Variants in TLN2 observed in about 807,000 individuals in gnomAD.
TLN2 encodes talin 2.
In TLN2, 118 loss-of-function variants were observed where a neutral mutation model predicts 294.7. The observed-to-expected ratio is 0.40, with a 90% CI of 0.34 to 0.47. The LOEUF is 0.47. TLN2 is among the 20% of genes least tolerant of loss of function. The pLI is 0.84. For synonymous variants in TLN2, 1,431 were observed against 1,304.5 expected, an observed-to-expected ratio of 1.10 and a Z score of -2.09; for missense variants, 3,083 against 3,282.2, an observed-to-expected ratio of 0.94 and a Z score of 1.48.
intron 21 of TLN2, among the ~76,000 whole-genome samples, chr15:62,710,091 T>C (rs1170651415): frequency 6.6e-6 from 1 of 152,240 alleles, no homozygotes; most frequent in African/African-American, 2.4e-5. Context: ...CATAGTATTC[T>C]ATTTTTTGAA....
At chr15:62,750,000 T>C (rs2061837560) in intron 33 of TLN2, among the ~76,000 whole-genome samples, 1 of 152,242 alleles carries the variant, frequency 6.6e-6, no homozygotes, top group Non-Finnish European at 1.5e-5. Context: ...TTACTGGTCA[T>C]GAAGAAATGA....
At chr15:62,777,272 C>G (rs931006087) in intron 43 of TLN2, among the ~76,000 whole-genome samples, 2 of 152,088 alleles carry the variant, frequency 1.3e-5, no homozygotes, top group Non-Finnish European at 2.9e-5. Context: ...CGCGGTGGCT[C>G]ACACCTGTAA....
intron 3 of TLN2, among the ~76,000 whole-genome samples, chr15:62,618,714 C>G (rs1005556965): frequency 4.6e-5 from 7 of 152,198 alleles, no homozygotes; most frequent in Non-Finnish European, 7.3e-5. Flanking sequence ...GTTGATTCCT[C>G]AAGCCTAGAG....
At chr15:62,524,908 C>T (rs2040655909) in intron 1 of TLN2, among the ~76,000 whole-genome samples, 1 of 152,148 alleles carries the variant, frequency 6.6e-6, no homozygotes, top group African/African-American at 2.4e-5. Flanking sequence ...GATTTTCCTT[C>T]TTTCATTTTG....
chr15:62,784,908 A>G (rs1029627850), intron 45 of TLN2: 4 of 152,172 alleles, frequency 2.6e-5, no homozygotes, highest in East Asian at 3.8e-4. Context: ...CAGTGCTGCT[A>G]TTTCTCCTGG....
At chr15:62,665,337 A>G (rs2054483797) in intron 9 of TLN2, among the ~76,000 whole-genome samples, 1 of 152,228 alleles carries the variant, frequency 6.6e-6, no homozygotes, top group African/African-American at 2.4e-5. Flanking sequence ...GACTTGAGAC[A>G]GCACACCCAG....
intron 40 of TLN2, among the ~76,000 whole-genome samples, chr15:62,765,595 G>C (rs1028123063): frequency 3.3e-5 from 5 of 152,076 alleles, no homozygotes; most frequent in Non-Finnish European, 5.9e-5. Context: ...TCCTACAGAG[G>C]GATCTGATCT....
At chr15:62,454,879 A>G (rs1274052909) in intron 1 of TLN2, among the ~76,000 whole-genome samples, 1 of 151,966 alleles carries the variant, frequency 6.6e-6, no homozygotes, top group Non-Finnish European at 1.5e-5. Flanking sequence ...CCTTCTGCTG[A>G]CCCTGTGACA....
intron 33 of TLN2, among the ~76,000 whole-genome samples, chr15:62,749,107 G>A (rs1487716096): frequency 6.6e-6 from 1 of 152,244 alleles, no homozygotes; most frequent in Non-Finnish European, 1.5e-5. Context: ...ATATTGAGAT[G>A]CCAGACGAGT....
intron 1 of TLN2, among the ~76,000 whole-genome samples, chr15:62,563,238 C>T (rs963287294): frequency 1.3e-5 from 2 of 151,840 alleles, no homozygotes; most frequent in Admixed American, 6.6e-5. Context: ...CCCTGTTCAC[C>T]GCATCCACAC....
At chr15:62,461,823 T>C (rs1329449458) in intron 1 of TLN2, among the ~76,000 whole-genome samples, 1 of 151,996 alleles carries the variant, frequency 6.6e-6, no homozygotes, top group African/African-American at 2.4e-5. Context: ...GGCTCAAGAG[T>C]GGCCTGGTGA....
intron 25 of TLN2, among the ~76,000 whole-genome samples, chr15:62,720,582 G>T (rs1431857180): frequency 6.6e-6 from 1 of 151,682 alleles, no homozygotes; most frequent in African/African-American, 2.4e-5. Context: ...ACTCTAACAT[G>T]CAGAAATAAA....
chr15:62,797,360 G>A lies in TLN2; in HGVS notation c.6192G>A (p.Lys2064=). Residue 2064 remains lysine, a synonymous_variant, in exon 48 of 59, where the codon AAG becomes AAA. Coordinates refer to ENST00000636159, the MANE Select transcript of TLN2 (RefSeq NM_015059.3). Reference sequence around the variant, plus strand: ...TCACCCAGCTCGCAGAAGTGGTCAAGCTGGGGGCAGCCAGCCTGGGCTCCG... The same window carrying A: ...TCACCCAGCTCGCAGAAGTGGTCAAACTGGGGGCAGCCAGCCTGGGCTCCG... ...ATITQLAEVV[K]LGAASLGSDD... is the part of the protein sequence containing the mutation. 1 of 1,612,716 alleles carries A rather than the reference G, an allele frequency of 6.2e-7. No individual in the cohort carries two copies. The highest frequency in any genetic ancestry group is 8.5e-7 in the Non-Finnish European group (1 of 1,179,712).
chr15:62,743,332 G>A (rs937417850), intron 32 of TLN2, among the ~76,000 whole-genome samples: 2 of 151,946 alleles, frequency 1.3e-5, no homozygotes, highest in Non-Finnish European at 2.9e-5. Flanking sequence ...TCCCACTCCT[G>A]TGTTAACAGT....
intron 1 of TLN2, among the ~76,000 whole-genome samples, chr15:62,475,109 C>T (rs191585926): frequency 1.7e-4 from 26 of 152,222 alleles, no homozygotes; most frequent in African/African-American, 5.5e-4. Flanking sequence ...AATCGTTTAA[C>T]GATTTGTCAT....
chr15:62,463,638 C>T (rs986136926), intron 1 of TLN2, among the ~76,000 whole-genome samples: 1 of 152,212 alleles, frequency 6.6e-6, no homozygotes, highest in Non-Finnish European at 1.5e-5. Context: ...GTAATCCCAG[C>T]ACTTTGCGAC....
At chr15:62,701,323 A>G (rs905328514) in intron 17 of TLN2, 109 bp downstream of exon 17, 21 of 955,622 alleles carry the variant, frequency 2.2e-5, no homozygotes, top group Middle Eastern at 3.2e-4. Context: ...TAGACTTTAT[A>G]TTATGAGAGG....
intron 9 of TLN2, 96 bp from the exon 10 acceptor site, chr15:62,673,731 T>C: frequency 2.2e-6 from 2 of 891,102 alleles, no homozygotes; most frequent in South Asian, 3.1e-5. Context: ...TTGGGAGACT[T>C]AGTGAGTTAA....
chr15:62,583,515 G>C (rs974534991), intron 1 of TLN2, among the ~76,000 whole-genome samples: 12 of 150,888 alleles, frequency 8.0e-5, no homozygotes, highest in Admixed American at 7.2e-4. Context: ...TTTTTTTTTG[G>C]ATTACAAAAG....
Sources: gnomAD v4.1 joint callset for allele counts (sites outside exome capture counted in the v4.1 genomes callset) on GRCh38, gnomAD v4.1.1 for gene constraint, MANE v1.5 for transcripts, NCBI Gene and HGNC (gene_info 2026-07-23, HGNC 2026-07-21) for gene names.